COL5A2: variants seen among roughly 807,000 people sequenced by gnomAD.
COL5A2 encodes collagen alpha-2(V) chain.
In COL5A2, 23 loss-of-function variants were observed where a neutral mutation model predicts 208.2. The ratio of observed to expected loss-of-function variants is 0.11; its 90% confidence interval spans 0.08 to 0.16. The LOEUF is 0.16. COL5A2 is among the 10% of genes least tolerant of loss of function. The pLI is 1.00. For missense variants in COL5A2, 1,590 were observed against 1,956.4 expected (o/e 0.81, Z 3.53); for synonymous variants, 625 against 628.5 (o/e 0.99, Z 0.08).
At chr2:189,364,196 T>C in the COL5A2 span, among the ~76,000 whole-genome samples, 1 of 152,244 alleles carries the variant, frequency 6.6e-6, no homozygotes, top group East Asian at 1.9e-4. Flanking sequence ...TATCAGAATG[T>C]CCAGGTTTCT....
chr2:189,207,651 C>T (rs1406272968), intron 1 of COL5A2, among the ~76,000 whole-genome samples: 2 of 152,164 alleles, frequency 1.3e-5, no homozygotes, highest in East Asian at 3.8e-4. Flanking sequence ...CCAAATTTCT[C>T]AAACAACTTC....
At chr2:189,097,177 G>T in intron 6 of COL5A2, 100 bp downstream of exon 6, 1 of 1,092,788 alleles carries the variant, frequency 9.2e-7, no homozygotes. Flanking sequence ...TAATGGAGGT[G>T]AAAGAGGAAT....
At chr2:189,070,792 G>A (rs1686257522) in intron 18 of COL5A2, among the ~76,000 whole-genome samples, 3 of 152,176 alleles carry the variant, frequency 2.0e-5, no homozygotes, top group Admixed American at 2.0e-4. Context: ...GTCTGGGCCA[G>A]AGTCTGTGGT....
chr2:189,431,323 A>G, the COL5A2 span, among the ~76,000 whole-genome samples: 1 of 152,328 alleles, frequency 6.6e-6, no homozygotes, highest in East Asian at 1.9e-4. Flanking sequence ...GCAACAGAAC[A>G]AAGCTGGACA....
the COL5A2 span, among the ~76,000 whole-genome samples, chr2:189,236,565 G>A: frequency 6.6e-6 from 1 of 151,770 alleles, no homozygotes; most frequent in Non-Finnish European, 1.5e-5. Flanking sequence ...GGTGGGTGTA[G>A]AGTGGCATCA....
chr2:189,253,611 C>T, the COL5A2 span, among the ~76,000 whole-genome samples: 249 of 152,350 alleles, frequency 1.6e-3, 1 homozygote, highest in African/African-American at 5.6e-3. Context: ...CATGCCGTCT[C>T]TTTCAGTTTG....
chr2:189,078,610 T>C, intron 15 of COL5A2, 41 bp from the exon 16 acceptor site: 1 of 1,526,576 alleles, frequency 6.6e-7, no homozygotes, highest in Non-Finnish European at 9.1e-7. Context: ...AAGCACCTAA[T>C]TTGAAATGTA....
intron 42 of COL5A2, 152 bp from the exon 43 acceptor site, chr2:189,050,828 A>C (rs1685770211): frequency 1.5e-6 from 1 of 663,268 alleles, no homozygotes; most frequent in Non-Finnish European, 2.7e-6. Flanking sequence ...AGTAGTCATA[A>C]ATTGTAATCC....
At chr2:189,352,359 T>A in the COL5A2 span, among the ~76,000 whole-genome samples, 26 of 152,220 alleles carry the variant, frequency 1.7e-4, no homozygotes, top group Admixed American at 3.9e-4. Context: ...TAGTTCTAGA[T>A]CCTTGAGGAA....
chr2:189,266,796 A>G, the COL5A2 span, among the ~76,000 whole-genome samples: 1 of 152,178 alleles, frequency 6.6e-6, no homozygotes, highest in Non-Finnish European at 1.5e-5. Context: ...AAAAGATGTT[A>G]TAAAAGATAT....
the COL5A2 span, among the ~76,000 whole-genome samples, chr2:189,307,838 A>C: frequency 1.3e-5 from 2 of 152,206 alleles, no homozygotes; most frequent in Non-Finnish European, 2.9e-5. Flanking sequence ...CCTTTATCAC[A>C]AACCCTTGTA....
At chr2:189,364,839 C>T in the COL5A2 span, among the ~76,000 whole-genome samples, 46 of 152,254 alleles carry the variant, frequency 3.0e-4, no homozygotes, top group African/African-American at 1.1e-3. Flanking sequence ...CAGAAAAAGA[C>T]TTCAGGTAAA....
At chr2:189,048,066 T>C (rs1685706349) in intron 45 of COL5A2, 143 bp downstream of exon 45, 2 of 723,974 alleles carry the variant, frequency 2.8e-6, no homozygotes, top group Non-Finnish European at 4.9e-6. Context: ...ATATAAAAAT[T>C]ATGGCTTTAC....
intron 44 of COL5A2, among the ~76,000 whole-genome samples, chr2:189,048,545 T>A (rs1685718471): frequency 6.6e-6 from 1 of 152,246 alleles, no homozygotes; most frequent in African/African-American, 2.4e-5. Flanking sequence ...ATTACATTCT[T>A]GCCACTTTAT....
At chr2:189,410,423 G>A in the COL5A2 span, among the ~76,000 whole-genome samples, 9 of 152,060 alleles carry the variant, frequency 5.9e-5, no homozygotes, top group African/African-American at 2.2e-4. Flanking sequence ...AAAATTAGCC[G>A]GGCATGGTGG....
Position 189,066,739 on chromosome 2 carries a change from T to C in COL5A2, c.1445A>G (p.Lys482Arg). Residue 482 changes from lysine to arginine, a missense_variant, in exon 22 of 54, where the codon AAA (lysine) becomes AGA (arginine). Lys to Arg is a conservative substitution (Grantham distance 26, BLOSUM62 2). Transcript: ENST00000374866. ...ACAATGAAACCTTACTGGTTCCCCTTTTGGGCCAGCTTCTCCTTTGAAACC... is the reference window on the plus strand; with the variant it reads ...ACAATGAAACCTTACTGGTTCCCCTCTTGGGCCAGCTTCTCCTTTGAAACC... ...VPGFKGEAGP[K>R]GEPGPHGIQG... 2 of 1,613,558 alleles carry C rather than the reference T, an allele frequency of 1.2e-6. No homozygotes were observed. Among genetic ancestry groups the C allele is most frequent in the Non-Finnish European group, 1.7e-6 (2 of 1,179,508 alleles).
chr2:189,057,321 C>G lies in COL5A2; in HGVS notation c.2336G>C (p.Arg779Thr). 9.3e-7 allele frequency: 1 copy of G among 1,079,194 alleles called. No homozygotes were observed. The highest frequency in any genetic ancestry group is 1.4e-6 in the Non-Finnish European group (1 of 714,778). 66.9% of individuals were successfully genotyped at this position (1,079,194 alleles called of 1,614,324 possible). ...IAGTPGPKGD[R>T]GGIGEKGAEG... The stretch of plus-strand genomic sequence containing the variant: ...AAAAAAAAAAAAAAAAGGACTTACT[C>G]TGTCACCCTTGGGGCCAGGAGTTCC... The change falls in exon 34 of 54, where the codon AGA (arginine) becomes ACA (threonine). Residue 779 changes from arginine (R) to threonine (T), a missense_variant and splice_region_variant. Coordinates refer to ENST00000374866, the MANE Select transcript of COL5A2 (RefSeq NM_000393.5).
chr2:189,263,598 CT>C, the COL5A2 span, among the ~76,000 whole-genome samples: 1 of 152,120 alleles, frequency 6.6e-6, no homozygotes, highest in South Asian at 2.1e-4. Context: ...CATTCACTCA[CT>C]ACTCACTCAC....
In COL5A2 at chr2:189,039,298, T is replaced by A; in HGVS notation, c.3899A>T (p.Lys1300Met). 6.2e-7 allele frequency: 1 copy of A among 1,614,054 alleles called. No homozygotes were observed. Among genetic ancestry groups the A allele is most frequent in the South Asian group, 1.1e-5 (1 of 91,084 alleles). The change falls in exon 51 of 54, where the codon AAG (lysine) becomes ATG (methionine). Residue 1300 changes from lysine to methionine, a missense_variant. Physicochemically the swap from Lys to Met is moderately conservative, Grantham distance 95 (BLOSUM62 -1). Coordinates refer to ENST00000374866, the MANE Select transcript of COL5A2 (RefSeq NM_000393.5). ...KHPARTCDDLKLCHSAKQSGE... is the reference protein window; with the variant it reads ...KHPARTCDDLMLCHSAKQSGE... ...ACTCTGCTTTGCGGAATGGCAAAGCTTTAGGTCATCACACGTGCGGGCTGG... is the reference window on the plus strand; with the variant it reads ...ACTCTGCTTTGCGGAATGGCAAAGCATTAGGTCATCACACGTGCGGGCTGG...
Sources: gnomAD v4.1 joint callset for allele counts (sites outside exome capture counted in the v4.1 genomes callset) on GRCh38, gnomAD v4.1.1 for gene constraint, MANE v1.5 for transcripts, NCBI Gene and HGNC (gene_info 2026-07-23, HGNC 2026-07-21) for gene names.